Variants in COL24A1 observed in about 807,000 individuals in gnomAD.
COL24A1 encodes collagen alpha-1(XXIV) chain.
A neutral mutation model predicts 253.9 loss-of-function variants in COL24A1; 224 were observed. The observed-to-expected ratio is 0.88, with a 90% CI of 0.79 to 0.99. The LOEUF is 0.99. COL24A1 is among the 50% of genes least tolerant of loss of function. COL24A1 has a pLI of 0.00. For missense variants in COL24A1, 2,131 were observed against 2,068.5 expected, an observed-to-expected ratio of 1.03 and a Z score of -0.59; for synonymous variants, 685 against 673.7, an observed-to-expected ratio of 1.02 and a Z score of -0.26.
chr1:85,939,331 G>A (rs1003350889), intron 24 of COL24A1, among the ~76,000 whole-genome samples: 2 of 152,054 alleles, frequency 1.3e-5, no homozygotes, highest in Non-Finnish European at 1.5e-5. Flanking sequence ...TAGCAGTGTG[G>A]CTCCTAATGT....
chr1:86,099,929 C>CT (rs887489283), intron 5 of COL24A1, among the ~76,000 whole-genome samples: 2 of 151,356 alleles, frequency 1.3e-5, no homozygotes, highest in African/African-American at 2.4e-5. Flanking sequence ...CGACCAAAAT[C>CT]TTTTTTTTAA....
intron 45 of COL24A1, 130 bp downstream of exon 45, chr1:85,823,406 G>T: frequency 1.2e-6 from 1 of 804,996 alleles, no homozygotes; most frequent in East Asian, 2.7e-5. Flanking sequence ...CTACTTAGAG[G>T]CCCATAGTGA....
chr1:85,864,932 T>C (rs1165650184), intron 37 of COL24A1, among the ~76,000 whole-genome samples: 1 of 152,164 alleles, frequency 6.6e-6, no homozygotes, highest in East Asian at 1.9e-4. Context: ...CAGGCAGATG[T>C]TTCCTTTCAG....
intron 58 of COL24A1, among the ~76,000 whole-genome samples, chr1:85,735,477 A>G (rs1351644230): frequency 6.6e-6 from 1 of 152,112 alleles, no homozygotes; most frequent in Non-Finnish European, 1.5e-5. Flanking sequence ...ATGAGTTACA[A>G]GCTGTAACAA....
At chr1:85,903,432 C>G (rs1270388334) in intron 28 of COL24A1, among the ~76,000 whole-genome samples, 1 of 152,048 alleles carries the variant, frequency 6.6e-6, no homozygotes, top group Non-Finnish European at 1.5e-5. Flanking sequence ...GCTTTGACTT[C>G]TAAGACAAAA....
chr1:85,778,302 C>T (rs940399763), intron 52 of COL24A1, among the ~76,000 whole-genome samples: 2 of 152,012 alleles, frequency 1.3e-5, no homozygotes, highest in Admixed American at 6.6e-5. Context: ...TGGGATCTCA[C>T]TATATTGCCA....
intron 24 of COL24A1, among the ~76,000 whole-genome samples, chr1:85,948,523 C>CAAAAAAAA (rs751884453): frequency 4.7e-5 from 3 of 63,614 alleles, no homozygotes; most frequent in African/African-American, 6.6e-5. Flanking sequence ...GACTCCGTCT[C>CAAAAAAAA]AAAAAAAAAA....
chr1:85,803,368 TGCA>T (rs1671632648), intron 47 of COL24A1, among the ~76,000 whole-genome samples: 1 of 149,880 alleles, frequency 6.7e-6, no homozygotes, highest in Non-Finnish European at 1.5e-5. Context: ...AGGTGGAGGT[TGCA>T]GTGAGCTGAG....
chr1:85,934,952 TA>T (rs137931540), intron 24 of COL24A1, among the ~76,000 whole-genome samples: 38 of 147,670 alleles, frequency 2.6e-4, no homozygotes, highest in East Asian at 1.8e-3. Context: ...AACACACAAT[TA>T]AAAAAAAAAC....
chr1:85,808,481 AGC>A (rs1425085982), intron 47 of COL24A1, among the ~76,000 whole-genome samples: 3 of 152,232 alleles, frequency 2.0e-5, no homozygotes, highest in African/African-American at 7.2e-5. Flanking sequence ...GATAATTGGA[AGC>A]AGTTTTCTTG....
rs750552061 is a variant in COL24A1, at chr1:86,022,284, C to T, written c.2212G>A (p.Gly738Ser). Reference protein sequence around the residue: ...PGYPGDKGAVGLPGPPGMRGK... With the variant: ...PGYPGDKGAVSLPGPPGMRGK... ...CTCATCCCTGGTGGTCCTGGTAAAC[C>T]AACAGCACCCTAAGAGAAGAGAATA... The change falls in exon 18 of 60, where the codon GGT (glycine) becomes AGT (serine). Residue 738 changes from glycine (G) to serine (S), a missense_variant. By Grantham distance (56) the Gly-to-Ser change is moderately conservative (BLOSUM62 0). Coordinates refer to ENST00000370571, the MANE Select transcript of COL24A1 (RefSeq NM_152890.7). 6.2e-7 allele frequency: 1 copy of T among 1,602,474 alleles called. No individual in the cohort carries two copies.
chr1:86,105,541 C>T (rs977234199), intron 5 of COL24A1, among the ~76,000 whole-genome samples: 1 of 152,110 alleles, frequency 6.6e-6, no homozygotes, highest in African/African-American at 2.4e-5. Context: ...ATCAGACCAG[C>T]CCCAGGTGAT....
chr1:85,823,736 G>A lies in COL24A1; in HGVS notation c.3684C>T (p.Gly1228=). ...CTCTTAGTCCTGGTACACCCACATG[G>A]CCCTAGAAATAGAAAAGATTACATT... ...RGEPGAEGYK[G]HVGVPGLRGA... The change falls in exon 44 of 60, where the codon GGC becomes GGT. Residue 1228 remains glycine, a splice_region_variant and synonymous_variant. Transcript: ENST00000370571. The A allele has an allele frequency of 6.2e-7, 1 of 1,613,262 alleles. No individual in the cohort carries two copies. Among genetic ancestry groups the A allele is most frequent in the African/African-American group, 1.3e-5 (1 of 74,982 alleles).
At chr1:85,773,235 G>C (rs140436590) in intron 53 of COL24A1, among the ~76,000 whole-genome samples, 160 of 152,254 alleles carry the variant, frequency 1.1e-3, no homozygotes, top group African/African-American at 3.6e-3. Context: ...CTATATATCT[G>C]TTTTGGTAAC....
chr1:85,858,444 A>G (rs1678708164), intron 37 of COL24A1, among the ~76,000 whole-genome samples: 1 of 151,736 alleles, frequency 6.6e-6, no homozygotes, highest in African/African-American at 2.4e-5. Context: ...TTTGCGTTAG[A>G]TATTCCCTCT....
chr1:85,935,178 T>TTCTTGCGGGGGTGGTTGAAACTTAG (rs1396142405), intron 24 of COL24A1, among the ~76,000 whole-genome samples: 45 of 148,958 alleles, frequency 3.0e-4, no homozygotes, highest in South Asian at 1.9e-3. Flanking sequence ...TAAAAAATTT[T>TTCTTGCGGGGGTGGTTGAAACTTAG]TAAACATTTA....
Position 85,911,293 on chromosome 1 carries a change from A to G in COL24A1, c.2616+87T>C, listed in dbSNP as rs895818836. On this transcript the variant is annotated intron_variant, in intron 25 of 59. Coordinates refer to ENST00000370571, the MANE Select transcript of COL24A1 (RefSeq NM_152890.7). ...GTGCTAAAGTTATAAGTGATTTCTA[A>G]TTAACATAAAAGATCATATGAAAGT... The G allele has an allele frequency of 1.2e-5, 12 of 1,025,968 alleles. No individual in the cohort carries two copies. The South Asian group carries it at 1.5e-4, about 13-fold the overall frequency. The allele number at this position is 1,025,968 out of a possible 1,614,324, so 63.6% of individuals were successfully genotyped here. A position where few individuals can be genotyped will look rare whatever the true frequency, so the allele number is the denominator to read the frequency against.
At chr1:85,756,057 CA>C (rs200030128) in intron 55 of COL24A1, among the ~76,000 whole-genome samples, 4,584 of 95,448 alleles carry the variant, frequency 0.048, 232 homozygotes, top group African/African-American at 0.2. Context: ...TACTAACAAC[CA>C]AAAAAAAAAA....
At chr1:85,736,270 C>CT (rs1664042118) in intron 58 of COL24A1, 2 of 456,030 alleles carry the variant, frequency 4.4e-6, no homozygotes, top group Non-Finnish European at 8.8e-6. Context: ...CAGTACTTCT[C>CT]TGGTCTTCCT....
Sources: allele counts gnomAD v4.1 joint callset (sites outside exome capture counted in the v4.1 genomes callset), GRCh38; gene constraint gnomAD v4.1.1; transcripts MANE v1.5; gene names NCBI Gene and HGNC (gene_info 2026-07-23, HGNC 2026-07-21).